Variants in BTRC observed in about 807,000 individuals in gnomAD.
BTRC encodes the protein F-box/WD repeat-containing protein 1A.
Under a neutral mutation model 85.5 loss-of-function variants are expected in BTRC, and 42 were observed. The ratio of observed to expected loss-of-function variants is 0.49; its 90% CI spans 0.38 to 0.64. The LOEUF is 0.64. Among genes scored for constraint, BTRC ranks in the 30% least tolerant of loss-of-function variants. The pLI is 0.00. For missense variants in BTRC, 594 were observed against 743.5 expected (o/e 0.80, Z 2.34); for synonymous variants, 255 against 263.3 (o/e 0.97, Z 0.30).
rs199806547 is a variant in BTRC, at chr10:101,534,727, C to T, written c.1164C>T (p.His388=). 4.8e-5 allele frequency: 77 copies of T among 1,614,174 alleles called. No homozygotes were observed. In the Admixed American group the frequency reaches 1.1e-3, roughly 23 times the overall value. ...TLIHHCEAVL[H]LRFNNGMMVT... ...TTCACCATTGTGAAGCAGTTCTGCA[C>T]TTGCGTTTCAATAATGGCATGATGG... The change falls in exon 10 of 15, where the codon CAC becomes CAT. Residue 388 remains histidine (H), a synonymous_variant. Coordinates refer to ENST00000370187, the MANE Select transcript of BTRC (RefSeq NM_033637.4).
At chr10:101,371,281 C>T (rs767532378) in intron 1 of BTRC, among the ~76,000 whole-genome samples, 8 of 152,010 alleles carry the variant, frequency 5.3e-5, no homozygotes, top group Non-Finnish European at 8.8e-5. Flanking sequence ...CTCCGCCAAG[C>T]AATTCTCCTG....
chr10:101,354,151 C>T (rs1359641927), upstream of BTRC: 1 of 1,548,084 alleles, frequency 6.5e-7, no homozygotes, highest in East Asian at 2.5e-5. Context: ...GCGGCCCCGG[C>T]GGAGAGCGGA....
intron 1 of BTRC, among the ~76,000 whole-genome samples, chr10:101,423,281 G>A (rs1303364360): frequency 2.6e-5 from 4 of 151,988 alleles, no homozygotes; most frequent in Admixed American, 1.3e-4. Flanking sequence ...AGCTTGTTCC[G>A]CAATTCATTG....
intron 2 of BTRC, among the ~76,000 whole-genome samples, chr10:101,443,190 T>C (rs1944736501): frequency 6.6e-6 from 1 of 152,118 alleles, no homozygotes; most frequent in Non-Finnish European, 1.5e-5. Context: ...CCTCTGTTGT[T>C]CTACTTAATA....
intron 1 of BTRC, among the ~76,000 whole-genome samples, chr10:101,422,102 T>C (rs1944118425): frequency 6.6e-6 from 1 of 152,218 alleles, no homozygotes; most frequent in Non-Finnish European, 1.5e-5. Flanking sequence ...TGTAAAAGTG[T>C]TCCTCTTCTC....
chr10:101,473,465 C>CTTTTT (rs869163139), intron 3 of BTRC, among the ~76,000 whole-genome samples: 8 of 96,764 alleles, frequency 8.3e-5, no homozygotes, highest in East Asian at 3.5e-4. Context: ...TCTTTTTTCT[C>CTTTTT]TTTTTTTTTT....
At chr10:101,536,027 C>T (rs978157718) in intron 11 of BTRC, among the ~76,000 whole-genome samples, 1 of 152,198 alleles carries the variant, frequency 6.6e-6, no homozygotes, top group Non-Finnish European at 1.5e-5. Flanking sequence ...ACTTGAATTG[C>T]TCTGAAAACG....
intron 4 of BTRC, among the ~76,000 whole-genome samples, chr10:101,492,953 A>G (rs1435841856): frequency 6.6e-6 from 1 of 152,180 alleles, no homozygotes; most frequent in Non-Finnish European, 1.5e-5. Flanking sequence ...ACTAAGTGAG[A>G]TTTTATAAAA....
At chr10:101,495,461 G>A (rs979309621) in intron 4 of BTRC, among the ~76,000 whole-genome samples, 1 of 152,138 alleles carries the variant, frequency 6.6e-6, no homozygotes, top group African/African-American at 2.4e-5. Flanking sequence ...GCATTTAACC[G>A]TGGGCAGCAC....
Position 101,426,019 on chromosome 10 carries a change from C to T in BTRC, c.49-4326C>T, listed in dbSNP as rs151087351. ...ATCTTACATATTTGTCAGAAACTGACCAATCAGAATGGCCCTGAAATGTAT... is the reference window on the plus strand; with the variant it reads ...ATCTTACATATTTGTCAGAAACTGATCAATCAGAATGGCCCTGAAATGTAT... On this transcript the variant is annotated intron_variant, in intron 1 of 14. Transcript: ENST00000370187. Among the ~76,000 whole-genome samples the T allele has an allele frequency of 7.0e-4, 106 of 152,182 alleles. No homozygotes were observed. The East Asian group carries it at 0.018, about 26-fold the overall frequency.
At position 101,367,039 on chromosome 10, in the gene BTRC, TATAA is replaced by T. The variant is rs1162527924; in HGVS notation, c.48+12815_48+12818del. Among the ~76,000 whole-genome samples, 236 of 66,058 alleles carry T rather than the reference TATAA, an allele frequency of 3.6e-3. 9 individuals are homozygous for T. The highest frequency in any genetic ancestry group is 9.4e-3 in the African/African-American group (190 of 20,128). The allele number at this position is 66,058 out of a possible 152,430, so 43.3% of individuals were successfully genotyped here. A position where few individuals can be genotyped will look rare whatever the true frequency, so the allele number is the denominator to read the frequency against. On this transcript the variant is annotated intron_variant, in intron 1 of 14. Transcript: ENST00000370187. ...ATATTTATATTTATATATTTATATA[TATAA>T]ATATATATATATATAAATATAAATA...
intron 4 of BTRC, among the ~76,000 whole-genome samples, chr10:101,492,580 A>G (rs1189523255): frequency 6.6e-6 from 1 of 152,178 alleles, no homozygotes; most frequent in Admixed American, 6.5e-5. Flanking sequence ...GTTTCCATGA[A>G]TCTTGCTCCA....
At position 101,366,940 on chromosome 10, in the gene BTRC, ATATATATTT is replaced by A. The variant is rs1564730461; in HGVS notation, c.48+12713_48+12721del. Among the ~76,000 whole-genome samples the A allele has an allele frequency of 0.024, 307 of 12,926 alleles. 28 individuals carry two copies. In the East Asian group the frequency reaches 0.28, roughly 12 times the overall value. The allele number at this position is 12,926 out of a possible 152,430, so 8.5% of individuals were successfully genotyped here. ...TATTTATATATATTTATATATATTT[ATATATATTT>A]ATATATATATTTATATAAATATATA... On this transcript the variant is annotated intron_variant, in intron 1 of 14. Coordinates refer to ENST00000370187, the MANE Select transcript of BTRC (RefSeq NM_033637.4).
At chr10:101,487,748 T>C (rs2134248958) in intron 4 of BTRC, among the ~76,000 whole-genome samples, 1 of 152,090 alleles carries the variant, frequency 6.6e-6, no homozygotes, top group Non-Finnish European at 1.5e-5. Context: ...AGAAGAACAG[T>C]GTTCTGTGAT....
chr10:101,366,936 ATTT>A (rs1564730416), intron 1 of BTRC, among the ~76,000 whole-genome samples: 2 of 24,274 alleles, frequency 8.2e-5, no homozygotes, highest in South Asian at 8.7e-4. Flanking sequence ...ATTTATATAT[ATTT>A]ATATATATTT....
At chr10:101,527,361 A>AG (rs1564826893) in intron 6 of BTRC, among the ~76,000 whole-genome samples, 1 of 150,404 alleles carries the variant, frequency 6.6e-6, no homozygotes, top group East Asian at 2.0e-4. Flanking sequence ...AATGCCTCAG[A>AG]TTTTTATCAT....
intron 1 of BTRC, among the ~76,000 whole-genome samples, chr10:101,406,041 G>T (rs1051322590): frequency 6.6e-6 from 1 of 152,010 alleles, no homozygotes; most frequent in Admixed American, 6.6e-5. Context: ...AAACTATGTA[G>T]ATTTGTGTAT....
intron 3 of BTRC, among the ~76,000 whole-genome samples, chr10:101,475,534 C>T (rs891705450): frequency 2.0e-5 from 3 of 150,708 alleles, no homozygotes; most frequent in Non-Finnish European, 4.4e-5. Flanking sequence ...AGTGAGACTC[C>T]GTCTCAAAAC....
chr10:101,403,963 T>C (rs1187067032), intron 1 of BTRC, among the ~76,000 whole-genome samples: 1 of 147,454 alleles, frequency 6.8e-6, no homozygotes, highest in African/African-American at 2.5e-5. Context: ...TTTTAGTTAT[T>C]GGAACATTTT....
Sources: gnomAD v4.1 joint callset for allele counts (sites outside exome capture counted in the v4.1 genomes callset) on GRCh38, gnomAD v4.1.1 for gene constraint, MANE v1.5 for transcripts, NCBI Gene and HGNC (gene_info 2026-07-23, HGNC 2026-07-21) for gene names.